CCDC150: variants seen among roughly 807,000 people sequenced by gnomAD.
CCDC150 encodes coiled-coil domain-containing protein 150.
CCDC150 carries 151 observed loss-of-function variants against 156.5 expected under a neutral mutation model. The observed-to-expected ratio is 0.97, with a 90% CI of 0.85 to 1.10. CCDC150 has a LOEUF of 1.10. Among genes scored for constraint, CCDC150 ranks in the 50% least tolerant of loss-of-function variants. CCDC150 has a pLI of 0.00. For synonymous variants in CCDC150, 452 were observed against 429.4 expected, an observed-to-expected ratio of 1.05 and a Z score of -0.65; for missense variants, 1,312 against 1,268.1, an observed-to-expected ratio of 1.03 and a Z score of -0.53.
chr2:196,646,460 T>G lies in CCDC150; in HGVS notation c.132T>G (p.Ser44Arg), dbSNP rs1327005777. 6.2e-7 allele frequency: 1 copy of G among 1,613,842 alleles called. No individual in the cohort carries two copies. The highest frequency in any genetic ancestry group is 8.5e-7 in the Non-Finnish European group (1 of 1,179,742). ...QRMRIVEEQTSSLRDDLIMLD... is the reference protein window; with the variant it reads ...QRMRIVEEQTRSLRDDLIMLD... ...TGAGAATAGTTGAGGAACAGACCAGTTCACTGAGGGATGACCTAATAATGT... is the reference window on the plus strand; with the variant it reads ...TGAGAATAGTTGAGGAACAGACCAGGTCACTGAGGGATGACCTAATAATGT... Residue 44 changes from serine (S) to arginine (R), a missense_variant, in exon 2 of 28, where the codon AGT becomes AGG. By Grantham distance (110) the Ser-to-Arg change is moderately radical (BLOSUM62 -1). Coordinates refer to ENST00000389175, the MANE Select transcript of CCDC150 (RefSeq NM_001080539.2).
intron 13 of CCDC150, among the ~76,000 whole-genome samples, chr2:196,677,642 A>G (rs1036446714): frequency 1.3e-5 from 2 of 152,172 alleles, no homozygotes; most frequent in African/African-American, 2.4e-5. Flanking sequence ...CCTGAGAGTT[A>G]GCTAATGGGC....
chr2:196,663,818 T>C (rs1032476973), intron 5 of CCDC150, among the ~76,000 whole-genome samples: 2 of 152,120 alleles, frequency 1.3e-5, no homozygotes, highest in African/African-American at 4.8e-5. Context: ...AAAACAGGTA[T>C]AGTATACTCT....
chr2:196,706,662 C>T (rs1696666190), intron 15 of CCDC150, among the ~76,000 whole-genome samples: 2 of 152,148 alleles, frequency 1.3e-5, no homozygotes, highest in African/African-American at 4.8e-5. Flanking sequence ...TCATAAATAG[C>T]TCTTATTATT....
At chr2:196,711,980 G>A (rs867939169) in intron 15 of CCDC150, among the ~76,000 whole-genome samples, 165 bp from the exon 16 acceptor site, 1 of 149,398 alleles carries the variant, frequency 6.7e-6, no homozygotes, top group African/African-American at 2.5e-5. Context: ...ATTAAACTTA[G>A]GATTGCTTTT....
Position 196,695,123 on chromosome 2 carries a change from C to G in CCDC150, c.1587C>G (p.Ser529=). 6.2e-7 allele frequency: 1 copy of G among 1,611,756 alleles called. No homozygotes were observed. Among genetic ancestry groups the G allele is most frequent in the Non-Finnish European group, 8.5e-7 (1 of 1,178,174 alleles). ...ENKHLADQMA[S]LELQQVTSDY... is the part of the protein sequence containing the mutation. Reference sequence around the variant, plus strand: ...AGCACCTGGCAGATCAAATGGCTTCCCTAGAACTTCAGCAAGTCACTTCTG... The same window carrying G: ...AGCACCTGGCAGATCAAATGGCTTCGCTAGAACTTCAGCAAGTCACTTCTG... The change falls in exon 14 of 28, where the codon TCC becomes TCG. Residue 529 remains serine, a synonymous_variant. Transcript: ENST00000389175.
intron 8 of CCDC150, among the ~76,000 whole-genome samples, chr2:196,670,382 T>C (rs887574361): frequency 3.9e-5 from 6 of 152,152 alleles, no homozygotes; most frequent in African/African-American, 1.4e-4. Context: ...TGTTATATGT[T>C]GTCTGTTTTT....
chr2:196,705,225 G>T (rs1282957236), intron 15 of CCDC150, among the ~76,000 whole-genome samples: 1 of 152,162 alleles, frequency 6.6e-6, no homozygotes, highest in Non-Finnish European at 1.5e-5. Context: ...GCTGTTTCCT[G>T]ACTTTTTAGT....
chr2:196,719,982 C>T (rs1171422520), intron 19 of CCDC150, among the ~76,000 whole-genome samples: 2 of 152,134 alleles, frequency 1.3e-5, no homozygotes, highest in Non-Finnish European at 2.9e-5. Context: ...CTTGCTTCTA[C>T]AGAATAGTAA....
At chr2:196,712,787 C>G in intron 17 of CCDC150, 48 bp downstream of exon 17, 2 of 1,365,598 alleles carry the variant, frequency 1.5e-6, no homozygotes, top group African/African-American at 2.9e-5. Context: ...GCTCTTGAAG[C>G]TAAAAACCTT....
rs753200097 is a variant in CCDC150, at chr2:196,719,539, A to G, written c.2038A>G (p.Asn680Asp). 2 of 1,612,170 alleles carry G rather than the reference A, an allele frequency of 1.2e-6. No individual in the cohort carries two copies. Among genetic ancestry groups the G allele is most frequent in the Non-Finnish European group, 1.7e-6 (2 of 1,179,092 alleles). Residue 680 changes from asparagine to aspartate, a missense_variant, in exon 19 of 28, where the codon AAC (asparagine) becomes GAC (aspartate). By Grantham distance (23) the Asn-to-Asp change is conservative (BLOSUM62 1). Transcript: ENST00000389175. ...ACAATTGGCAGAAGCTAAAGAAGAC[A>G]ACTGCAAAGTCACAATCATGTTGGA... Reference protein sequence around the residue: ...QRQLAEAKEDNCKVTIMLENV... With the variant: ...QRQLAEAKEDDCKVTIMLENV...
At chr2:196,663,446 A>G (rs1286354422) in intron 5 of CCDC150, among the ~76,000 whole-genome samples, 1 of 151,414 alleles carries the variant, frequency 6.6e-6, no homozygotes, top group African/African-American at 2.4e-5. Flanking sequence ...AGAAAATTTT[A>G]ATACATAGTA....
At chr2:196,672,599 T>A (rs1337396016) in intron 9 of CCDC150, among the ~76,000 whole-genome samples, 162 bp downstream of exon 9, 2 of 152,220 alleles carry the variant, frequency 1.3e-5, no homozygotes, top group African/African-American at 4.8e-5. Context: ...ATTATCAAAT[T>A]AACTACGTTT....
intron 14 of CCDC150, among the ~76,000 whole-genome samples, chr2:196,698,915 T>G (rs1337946221): frequency 6.6e-6 from 1 of 152,158 alleles, no homozygotes; most frequent in Non-Finnish European, 1.5e-5. Context: ...TGTTCAATTC[T>G]TGTAGCTTTG....
Position 196,666,749 on chromosome 2 carries a change from C to T in CCDC150, c.793C>T (p.Leu265=). 1.9e-6 allele frequency: 3 copies of T among 1,609,246 alleles called. No homozygotes were observed. In the South Asian group the frequency reaches 3.3e-5, roughly 18 times the overall value. ...CATTTTGCAGCAAAACTGCATTGCT[C>T]TACGTGATTCTATACAGAGCGCTCA... ...VHILQQNCIA[L]RDSIQSAQEL... The change falls in exon 7 of 28, where the codon CTA becomes TTA. Residue 265 remains leucine, a synonymous_variant. Transcript: ENST00000389175.
At chr2:196,715,166 T>A (rs935505674) in intron 17 of CCDC150, among the ~76,000 whole-genome samples, 2 of 152,144 alleles carry the variant, frequency 1.3e-5, no homozygotes, top group Non-Finnish European at 2.9e-5. Flanking sequence ...TTCCTACTGA[T>A]ATACTGGCTT....
Position 196,712,267 on chromosome 2 carries a change from T to C in CCDC150, c.1803+15T>C, listed in dbSNP as rs1697181997. 7 of 1,346,986 alleles carry C rather than the reference T, an allele frequency of 5.2e-6. No individual in the cohort carries two copies. Among genetic ancestry groups the C allele is most frequent in the African/African-American group, 1.5e-5 (1 of 68,142 alleles). The allele number at this position is 1,346,986 out of a possible 1,614,324, so 83.4% of individuals were successfully genotyped here. A position where few individuals can be genotyped will look rare whatever the true frequency, so the allele number is the denominator to read the frequency against. ...AATATGCTCAGGTGTGATTAATATC[T>C]ACAAAAGCGGATTGCTGCTATATTT... is the stretch of plus-strand genomic sequence containing the variant. On this transcript the variant is annotated intron_variant, in intron 16 of 27. Coordinates refer to ENST00000389175, the MANE Select transcript of CCDC150 (RefSeq NM_001080539.2).
chr2:196,725,312 C>T lies in CCDC150; in HGVS notation c.2430-661C>T, dbSNP rs116987067. Among the ~76,000 whole-genome samples, 13 of 152,200 alleles carry T rather than the reference C, an allele frequency of 8.5e-5. No homozygotes were observed. In the East Asian group the frequency reaches 2.5e-3, roughly 29 times the overall value. On this transcript the variant is annotated intron_variant, in intron 21 of 27. Transcript: ENST00000389175. ...AGTAATTGTTTAAATCCGTTTAGTC[C>T]TTTTTGGAGTCACTTATCCTTTTAA...
intron 15 of CCDC150, among the ~76,000 whole-genome samples, chr2:196,703,171 T>G (rs1696355893): frequency 2.0e-5 from 3 of 152,184 alleles, no homozygotes; most frequent in Admixed American, 2.0e-4. Flanking sequence ...TGGAGCTGAT[T>G]TGATAAGTAA....
intron 6 of CCDC150, among the ~76,000 whole-genome samples, chr2:196,666,047 T>C (rs904901019): frequency 3.3e-5 from 5 of 152,178 alleles, no homozygotes; most frequent in Non-Finnish European, 7.3e-5. Flanking sequence ...TGCCCTGGTC[T>C]CATGCTGTAT....
Sources: allele counts gnomAD v4.1 joint callset (sites outside exome capture counted in the v4.1 genomes callset), GRCh38; gene constraint gnomAD v4.1.1; transcripts MANE v1.5; gene names NCBI Gene and HGNC (gene_info 2026-07-23, HGNC 2026-07-21).